Variants in ZNF692 observed in about 807,000 individuals in gnomAD.
ZNF692 encodes zinc finger protein 692, also known as AICAR responsive element binding protein.
A neutral mutation model predicts 49.0 loss-of-function variants in ZNF692; 41 were observed. That is an observed-to-expected ratio of 0.84 (90% CI 0.65 to 1.08). The LOEUF is 1.08. Ranked by LOEUF, ZNF692 falls within the 50% of genes least tolerant of loss-of-function variation. The pLI is 0.00. For missense variants in ZNF692, 662 were observed against 662.2 expected (o/e 1.00, Z 0.00); for synonymous variants, 288 against 251.5 (o/e 1.15, Z -1.37).
chr1:248,857,705 G>C, intron 3 of ZNF692, 123 bp downstream of exon 3: 3 of 1,501,134 alleles, frequency 2.0e-6, no homozygotes, highest in Non-Finnish European at 2.7e-6. Flanking sequence ...ACTACCCTGT[G>C]CTCCCCAACT....
At chr1:248,857,121 TAG>T (rs1558258936) in intron 4 of ZNF692, 111 bp downstream of exon 4, 5 of 1,128,048 alleles carry the variant, frequency 4.4e-6, no homozygotes, top group Non-Finnish European at 6.4e-6. Context: ...TTTGTCAAGA[TAG>T]AGTTTTTCCA....
intron 11 of ZNF692, 38 bp downstream of exon 11, chr1:248,850,644 T>G: frequency 1.2e-6 from 2 of 1,612,214 alleles, no homozygotes; most frequent in Non-Finnish European, 1.7e-6. Context: ...CCTCCTCCCT[T>G]CTAGCCCCTG....
chr1:248,858,585 T>C lies in ZNF692; in HGVS notation c.-12-264A>G, dbSNP rs1370906829. ...CAAAGGCCTGCGCCCTCCAGTCCAC[T>C]GAAGTGGAGCTGTGGGGAAGGGGCG... On this transcript the variant is annotated intron_variant, in intron 1 of 11. Transcript: ENST00000306601. This position sits in a 1 kb window ranked among gnomAD's most constrained non-coding sequence, Gnocchi z 4.3. The C allele has an allele frequency of 1.0e-5, 16 of 1,547,790 alleles. No individual in the cohort carries two copies. The highest frequency in any genetic ancestry group is 1.4e-5 in the Non-Finnish European group (16 of 1,143,606).
At chr1:248,851,235 T>C (rs1659548770) in intron 10 of ZNF692, among the ~76,000 whole-genome samples, 1 of 152,140 alleles carries the variant, frequency 6.6e-6, no homozygotes, top group Non-Finnish European at 1.5e-5. Flanking sequence ...CCCTGGCACC[T>C]GGAATCATCT....
At chr1:248,856,154 T>C in intron 6 of ZNF692, 134 bp downstream of exon 6, 1 of 1,437,600 alleles carries the variant, frequency 7.0e-7, no homozygotes, top group Non-Finnish European at 9.3e-7. Flanking sequence ...AGCCTCTAGT[T>C]CTTTTTGCCT....
rs372182193 is a variant in ZNF692, at chr1:248,850,726, G to A, written c.1209C>T (p.Asn403=). The change falls in exon 11 of 12, where the codon AAC becomes AAT. Residue 403 remains asparagine (N), a synonymous_variant. Coordinates refer to ENST00000306601, the MANE Select transcript of ZNF692 (RefSeq NM_017865.4). ...TGTGGATACGTCTGTGGATGACAAG[G>A]TTGCTGCTAGTGCGGAAAGACCGGG... ...FCARSFRTSS[N]LVIHRRIHTG... is the part of the protein sequence containing the mutation. 1.9e-6 allele frequency: 3 copies of A among 1,614,070 alleles called. No homozygotes were observed. Among genetic ancestry groups the A allele is most frequent in the Non-Finnish European group, 1.7e-6 (2 of 1,179,996 alleles).
chr1:248,850,440 C>A lies in ZNF692; in HGVS notation c.1330G>T (p.Ala444Ser). The A allele has an allele frequency of 6.2e-7, 1 of 1,613,904 alleles. No homozygotes were observed. The highest frequency in any genetic ancestry group is 8.5e-7 in the Non-Finnish European group (1 of 1,179,946). Reference protein sequence around the residue: ...WHQRKHAETVAALRFPCEFCG... With the variant: ...WHQRKHAETVSALRFPCEFCG... ...AATTCACAGGGGAAGCGCAAGGCAG[C>A]CACCGTCTCTGCATGCTTGCGCTGG... The change falls in exon 12 of 12, where the codon GCT (alanine) becomes TCT (serine). Residue 444 changes from alanine (A) to serine (S), a missense_variant. By Grantham distance (99) the Ala-to-Ser change is moderately conservative (BLOSUM62 1). Transcript: ENST00000306601.
intron 10 of ZNF692, 196 bp from the exon 11 acceptor site, chr1:248,850,977 C>T (rs767993148): frequency 1.3e-5 from 9 of 697,952 alleles, no homozygotes; most frequent in South Asian, 4.5e-5. Context: ...AAGTAAGATA[C>T]GAACCCAGCT....
Position 248,850,779 on chromosome 1 carries a change from TG to T in ZNF692, c.1155del (p.Asp385GlufsTer48), listed in dbSNP as rs761828387. 1 of 1,613,988 alleles carries T rather than the reference TG, an allele frequency of 6.2e-7. No homozygotes were observed. Among genetic ancestry groups the T allele is most frequent in the Non-Finnish European group, 8.5e-7 (1 of 1,179,976 alleles). ...CAGAACTCACAGATGTAGTCCCGGG[TG>T]TCTGCAGGCATATGAGGGACACTCC... is the stretch of plus-strand genomic sequence containing the variant. Reference protein sequence around the residue: ...HLKEHMKLHSDTRDYICEFCA... With the variant: ...HLKEHMKLHSXTRDYICEFCA... On this transcript the variant is annotated frameshift_variant and splice_region_variant, in exon 11 of 12. Coordinates refer to ENST00000306601, the MANE Select transcript of ZNF692 (RefSeq NM_017865.4). LOFTEE classifies it high-confidence loss of function.
chr1:248,857,456 G>A lies in ZNF692; in HGVS notation c.253C>T (p.Leu85Phe). The A allele has an allele frequency of 6.2e-7, 1 of 1,614,074 alleles. No individual in the cohort carries two copies. Among genetic ancestry groups the A allele is most frequent in the Non-Finnish European group, 8.5e-7 (1 of 1,180,022 alleles). ...TCTCGGCTGTGGGCATGAGACAAGA[G>A]CACCAGATACTGCAGACCTTTTGGA... ...LPPKGLQYLV[L>F]LSHAHSRECS... The change falls in exon 4 of 12, where the codon CTC becomes TTC. Residue 85 changes from leucine (L) to phenylalanine (F), a missense_variant. Physicochemically the swap from Leu to Phe is conservative, Grantham distance 22. Transcript: ENST00000306601.
chr1:248,855,926 C>T lies in ZNF692; in HGVS notation c.680G>A (p.Arg227Lys). 6.2e-7 allele frequency: 1 copy of T among 1,614,014 alleles called. No homozygotes were observed. Among genetic ancestry groups the T allele is most frequent in the Non-Finnish European group, 8.5e-7 (1 of 1,180,002 alleles). Reference sequence around the variant, plus strand: ...GCAGGTGACAGGGGAAGGCAGTAGTCTGGGGGCATCAGGCTCACTACTGAA... The same window carrying T: ...GCAGGTGACAGGGGAAGGCAGTAGTTTGGGGGCATCAGGCTCACTACTGAA... ...SPDDSEPDAP[R>K]LLPSPVTCTP... The change falls in exon 7 of 12, where the codon AGA becomes AAA. Residue 227 changes from arginine (R) to lysine (K), a missense_variant. Arg to Lys is a conservative substitution (Grantham distance 26, BLOSUM62 2). Coordinates refer to ENST00000306601, the MANE Select transcript of ZNF692 (RefSeq NM_017865.4).
Position 248,858,729 on chromosome 1 carries a change from TG to T in ZNF692, c.-13+188del. 1.5e-6 allele frequency: 1 copy of T among 673,916 alleles called. No individual in the cohort carries two copies. Among genetic ancestry groups the T allele is most frequent in the East Asian group, 2.7e-5 (1 of 36,760 alleles). 41.7% of individuals were successfully genotyped at this position (673,916 alleles called of 1,614,324 possible). On this transcript the variant is annotated intron_variant, in intron 1 of 11. Coordinates refer to ENST00000306601, the MANE Select transcript of ZNF692 (RefSeq NM_017865.4). The surrounding 1 kb of genome is among the most constrained non-coding windows in gnomAD (Gnocchi z 4.3). ...GAAAGGTCGTGTCCTGGCGTGCAGC[TG>T]GGGGCGCTCTTCATAGTTGGGTCGA...
chr1:248,858,362 CGG>C lies in ZNF692; in HGVS notation c.-12-43_-12-42del. 2 of 1,527,116 alleles carry C rather than the reference CGG, an allele frequency of 1.3e-6. No individual in the cohort carries two copies. 94.6% of individuals were successfully genotyped at this position (1,527,116 alleles called of 1,614,324 possible). A position where few individuals can be genotyped will look rare whatever the true frequency, so the allele number is the denominator to read the frequency against. On this transcript the variant is annotated intron_variant, in intron 1 of 11. Transcript: ENST00000306601. This position sits in a 1 kb window ranked among gnomAD's most constrained non-coding sequence, Gnocchi z 4.3. ...GACGTCTTCAGCGCCCTGCCGATCT[CGG>C]GGGTCGGGGACCCGGCTCCACCTGC...
At chr1:248,852,109 C>A (rs1453156396) in intron 10 of ZNF692, among the ~76,000 whole-genome samples, 1 of 152,206 alleles carries the variant, frequency 6.6e-6, no homozygotes, top group African/African-American at 2.4e-5. Context: ...GCCTCTTGGC[C>A]ACTCTTTTCA....
In ZNF692 at chr1:248,855,605, G is replaced by C. The variant is rs1217003770; in HGVS notation, c.912C>G (p.Thr304=). Residue 304 remains threonine (T), a synonymous_variant, in exon 8 of 12, where the codon ACC becomes ACG. Transcript: ENST00000306601. The part of the protein sequence containing the change: ...STGSQAQSAP[T]PAWDEDTAQI... ...GTGCAGTGTCCTCATCCCAGGCCGGGGTTGGAGCAGACTGGGCCTGACTCC... is the reference window on the plus strand; with the variant it reads ...GTGCAGTGTCCTCATCCCAGGCCGGCGTTGGAGCAGACTGGGCCTGACTCC... The C allele has an allele frequency of 6.2e-7, 1 of 1,614,204 alleles. No homozygotes were observed.
In ZNF692 at chr1:248,850,062, C is replaced by G; in HGVS notation, c.*148G>C. The G allele has an allele frequency of 1.3e-6, 1 of 786,160 alleles. No individual in the cohort carries two copies. Among genetic ancestry groups the G allele is most frequent in the Non-Finnish European group, 1.9e-6 (1 of 519,994 alleles). 48.7% of individuals were successfully genotyped at this position (786,160 alleles called of 1,614,324 possible). On this transcript the variant is annotated 3_prime_UTR_variant, in exon 12 of 12. Transcript: ENST00000306601. ...AGGAAGACTAAAGTAGTCCAGCTCCCCTACAGCCCAGTCTTGCCCCCACCC... is the reference window on the plus strand; with the variant it reads ...AGGAAGACTAAAGTAGTCCAGCTCCGCTACAGCCCAGTCTTGCCCCCACCC...
chr1:248,855,913 G>A lies in ZNF692; in HGVS notation c.693C>T (p.Ser231=). The A allele has an allele frequency of 3.7e-6, 6 of 1,614,148 alleles. No individual in the cohort carries two copies. Among genetic ancestry groups the A allele is most frequent in the Non-Finnish European group, 5.1e-6 (6 of 1,180,036 alleles). ...SEPDAPRLLP[S]PVTCTPKEGE... is the part of the protein sequence containing the mutation. The stretch of plus-strand genomic sequence containing the variant: ...CCTCTTTAGGTGTGCAGGTGACAGG[G>A]GAAGGCAGTAGTCTGGGGGCATCAG... Residue 231 remains serine, a synonymous_variant, in exon 7 of 12, where the codon TCC becomes TCT. Coordinates refer to ENST00000306601, the MANE Select transcript of ZNF692 (RefSeq NM_017865.4).
At chr1:248,850,546 C>T (rs760625640) in intron 11 of ZNF692, 30 bp from the exon 12 acceptor site, 4 of 1,593,268 alleles carry the variant, frequency 2.5e-6, no homozygotes, top group Non-Finnish European at 2.6e-6. Context: ...AGGGAAGGAA[C>T]AAGGCCTCAG....
chr1:248,854,201 G>A (rs528551754), intron 9 of ZNF692, 150 bp from the exon 10 acceptor site: 16 of 619,834 alleles, frequency 2.6e-5, no homozygotes, highest in South Asian at 1.1e-4. Flanking sequence ...TGGCCTGCTC[G>A]TTTCCTTGAG....
Sources: allele counts gnomAD v4.1 joint callset (sites outside exome capture counted in the v4.1 genomes callset), GRCh38; gene constraint gnomAD v4.1.1; non-coding constraint Gnocchi (gnomAD v3.1); transcripts MANE v1.5; gene names NCBI Gene and HGNC (gene_info 2026-07-23, HGNC 2026-07-21).